The following TENM1 variants were observed in gnomAD, a reference collection of about 807,000 sequenced individuals.
The protein encoded by TENM1 is teneurin-1.
Under a neutral mutation model 174.8 loss-of-function variants are expected in TENM1, and 35 were observed. The observed-to-expected ratio is 0.20, with a 90% CI of 0.15 to 0.27. TENM1 has a LOEUF of 0.27. Among genes scored for constraint, TENM1 ranks in the 10% least tolerant of loss-of-function variants. The pLI is 1.00. For missense variants in TENM1, 1,633 were observed against 2,130.1 expected, an observed-to-expected ratio of 0.77 and a Z score of 4.59; for synonymous variants, 781 against 798.7, an observed-to-expected ratio of 0.98 and a Z score of 0.37.
At chrX:124,962,590 C>T (rs902404738) in intron 1 of TENM1, among the ~76,000 whole-genome samples, 4 of 111,638 alleles carry the variant, frequency 3.6e-5, no homozygotes, top group Non-Finnish European at 5.6e-5. Context: ...GAGGCTGAGG[C>T]GGGTGGATCA....
intron 1 of TENM1, among the ~76,000 whole-genome samples, chrX:124,937,809 C>T (rs1347383286): frequency 8.9e-6 from 1 of 111,734 alleles, no homozygotes; most frequent in African/African-American, 3.2e-5. Context: ...CATATAGCAA[C>T]TCGATGGGCT....
At chrX:124,761,921 T>G (rs1348075746) in intron 3 of TENM1, among the ~76,000 whole-genome samples, 1 of 112,086 alleles carries the variant, frequency 8.9e-6, no homozygotes, top group South Asian at 3.7e-4. Flanking sequence ...AAACAGTTTG[T>G]TAGCCATTTA....
chrX:125,057,722 C>T, the TENM1 span, among the ~76,000 whole-genome samples: 12 of 111,409 alleles, frequency 1.1e-4, no homozygotes, highest in African/African-American at 3.9e-4. Flanking sequence ...GAAAAAATAT[C>T]TGAAATCTGT....
At position 124,682,358 on chromosome X, in the gene TENM1, GAAT is replaced by G. The variant is rs756426457; in HGVS notation, c.1016-10526_1016-10524del. On this transcript the variant is annotated intron_variant, in intron 5 of 31. Coordinates refer to ENST00000422452, the Ensembl canonical transcript of TENM1. ...TAAAGCAGTTAGAGTCTCATTTTAT[GAAT>G]AATAACTGATAATTCTCACGTAGCT... Among the ~76,000 whole-genome samples the G allele has an allele frequency of 2.7e-5, 3 of 111,264 alleles. No homozygotes were observed. In the South Asian group the frequency reaches 1.1e-3, roughly 42 times the overall value.
At chrX:125,020,220 C>A in the TENM1 span, among the ~76,000 whole-genome samples, 2 of 111,178 alleles carry the variant, frequency 1.8e-5, no homozygotes, top group African/African-American at 6.5e-5. Context: ...TCACAATTAT[C>A]ATCTATTTTT....
At chrX:125,012,366 T>TA in the TENM1 span, among the ~76,000 whole-genome samples, 3 of 111,491 alleles carry the variant, frequency 2.7e-5, no homozygotes, top group South Asian at 7.3e-4. Context: ...TAAGAAAACT[T>TA]AAAAAAAGAA....
intron 1 of TENM1, among the ~76,000 whole-genome samples, chrX:124,943,434 C>T (rs1026861512): frequency 3.6e-5 from 4 of 111,846 alleles, no homozygotes; most frequent in Non-Finnish European, 7.5e-5. Flanking sequence ...TACAAATGTA[C>T]TGCAGAGAAA....
intron 1 of TENM1, among the ~76,000 whole-genome samples, chrX:124,963,316 G>A (rs2058683024): frequency 1.8e-5 from 2 of 112,507 alleles, no homozygotes; most frequent in Admixed American, 1.9e-4. Context: ...GCTCTGATAA[G>A]AGGACTGCAG....
At chrX:125,050,222 A>G in the TENM1 span, among the ~76,000 whole-genome samples, 1 of 109,564 alleles carries the variant, frequency 9.1e-6, no homozygotes, top group Non-Finnish European at 1.9e-5. Flanking sequence ...CAGGTTAGTT[A>G]CATATGTATA....
chrX:124,524,201 T>C (rs1411260925), intron 16 of TENM1, among the ~76,000 whole-genome samples: 1 of 111,587 alleles, frequency 9.0e-6, no homozygotes, highest in African/African-American at 3.3e-5. Context: ...TTTAACACTA[T>C]CTTAAACAAA....
intron 14 of TENM1, among the ~76,000 whole-genome samples, chrX:124,552,508 A>G (rs2048597243): frequency 9.0e-6 from 1 of 111,501 alleles, no homozygotes; most frequent in Admixed American, 9.6e-5. Context: ...CCAAATCATT[A>G]TTGTTGCTAT....
At chrX:124,909,517 A>C (rs964210446) in intron 1 of TENM1, among the ~76,000 whole-genome samples, 2 of 112,170 alleles carry the variant, frequency 1.8e-5, no homozygotes, top group Non-Finnish European at 3.8e-5. Flanking sequence ...TAGACCCTTA[A>C]ACTATGCATA....
At chrX:124,500,372 C>A (rs1018464313) in intron 19 of TENM1, among the ~76,000 whole-genome samples, 3 of 112,149 alleles carry the variant, frequency 2.7e-5, no homozygotes, top group African/African-American at 9.7e-5. Context: ...AGAACCAGGG[C>A]ATACCATCTA....
At chrX:124,391,541 G>C (rs1352000671) in intron 28 of TENM1, among the ~76,000 whole-genome samples, 3 of 111,331 alleles carry the variant, frequency 2.7e-5, no homozygotes, top group Non-Finnish European at 5.7e-5. Context: ...GTACAGAAAA[G>C]AGTATTACCA....
chrX:124,380,690 G>A, exon 32 of TENM1: 4 of 1,211,559 alleles, frequency 3.3e-6, no homozygotes, highest in Non-Finnish European at 3.4e-6. Context: ...TTCTGTCCAT[G>A]CCCTAATCCC....
At chrX:125,121,062 A>T in the TENM1 span, among the ~76,000 whole-genome samples, 2 of 111,762 alleles carry the variant, frequency 1.8e-5, no homozygotes, top group African/African-American at 6.5e-5. Flanking sequence ...ATTATTCATG[A>T]TTTAGCAATA....
At chrX:125,200,246 C>G in the TENM1 span, among the ~76,000 whole-genome samples, 1 of 111,611 alleles carries the variant, frequency 9.0e-6, no homozygotes, top group South Asian at 3.7e-4. Flanking sequence ...AAAATAATAG[C>G]AATCTCCATT....
the TENM1 span, among the ~76,000 whole-genome samples, chrX:125,193,763 A>G: frequency 9.1e-6 from 1 of 110,248 alleles, no homozygotes; most frequent in African/African-American, 3.3e-5. Context: ...CCAGATCTCT[A>G]ATTCTAGACT....
In TENM1 at chrX:124,490,607, T is replaced by C. The variant is rs113211526; in HGVS notation, c.3696-3378A>G. ...TCTCAAGAGAAATTTTCATATCACA[T>C]TGACATTTGTTGAATCCAAATTACT... is the stretch of plus-strand genomic sequence containing the variant. On this transcript the variant is annotated intron_variant, in intron 20 of 31. Transcript: ENST00000422452. 3.9e-3 allele frequency among the ~76,000 whole-genome samples: 433 copies of C among 112,250 alleles called. 3 individuals are homozygous for C. The highest frequency in any genetic ancestry group is 0.013 in the African/African-American group (402 of 30,919).
Sources: gnomAD v4.1 joint callset for allele counts (sites outside exome capture counted in the v4.1 genomes callset) on GRCh38, gnomAD v4.1.1 for gene constraint, MANE v1.5 for transcripts, NCBI Gene and HGNC (gene_info 2026-07-23, HGNC 2026-07-21) for gene names.